MFSD11: variants seen among roughly 807,000 people sequenced by gnomAD.
The protein encoded by MFSD11 is UNC93-like protein MFSD11.
Under a neutral mutation model 53.5 loss-of-function variants are expected in MFSD11, and 36 were observed. The ratio of observed to expected loss-of-function variants is 0.67; its 90% CI spans 0.52 to 0.89. MFSD11 has a LOEUF of 0.89. Ranked by LOEUF, MFSD11 falls within the 40% of genes least tolerant of loss-of-function variation. The pLI is 0.00. For missense variants in MFSD11, 530 were observed against 543.9 expected (o/e 0.97, Z 0.25); for synonymous variants, 186 against 184.9 (o/e 1.01, Z -0.05).
At chr17:76,763,696 A>G (rs1015447561) in intron 8 of MFSD11, among the ~76,000 whole-genome samples, 3 of 152,074 alleles carry the variant, frequency 2.0e-5, no homozygotes, top group African/African-American at 7.2e-5. Context: ...TGTTTCAGCA[A>G]ACGCTCTAGG....
At chr17:76,763,466 G>T (rs2080487442) in intron 8 of MFSD11, among the ~76,000 whole-genome samples, 1 of 152,012 alleles carries the variant, frequency 6.6e-6, no homozygotes, top group African/African-American at 2.4e-5. Context: ...ATTTCACCAT[G>T]TTGGCCTGGC....
At chr17:76,795,820 ATTTTTT>A in the MFSD11 span, among the ~76,000 whole-genome samples, 1 of 140,024 alleles carries the variant, frequency 7.1e-6, no homozygotes, top group Non-Finnish European at 1.6e-5. Context: ...CGCCCGGCTA[ATTTTTT>A]TTTTTTTTTT....
At chr17:76,786,847 G>A in the MFSD11 span, among the ~76,000 whole-genome samples, 5 of 151,964 alleles carry the variant, frequency 3.3e-5, no homozygotes, top group African/African-American at 9.7e-5. Flanking sequence ...ACGGAGTCTC[G>A]CTCTGTCACC....
chr17:76,790,518 G>A, the MFSD11 span, among the ~76,000 whole-genome samples: 8 of 143,974 alleles, frequency 5.6e-5, no homozygotes, highest in Non-Finnish European at 9.0e-5. Flanking sequence ...AGGTTTTGCC[G>A]TGTTGGCCAG....
chr17:76,743,520 T>G, intron 6 of MFSD11, 64 bp downstream of exon 6: 1 of 989,114 alleles, frequency 1.0e-6, no homozygotes, highest in Non-Finnish European at 1.5e-6. Context: ...TATATAGAAA[T>G]ACCCATTATT....
intron 8 of MFSD11, 182 bp downstream of exon 8, chr17:76,754,269 G>A (rs886535164): frequency 3.6e-6 from 2 of 556,730 alleles, no homozygotes; most frequent in Non-Finnish European, 6.4e-6. Context: ...GGTTGTGAGG[G>A]ATGGATGATG....
rs140580364 is a variant in MFSD11, at chr17:76,745,964, G to C, written c.641+1498G>C. Among the ~76,000 whole-genome samples the C allele has an allele frequency of 5.0e-3, 756 of 152,140 alleles. 12 individuals carry two copies. The highest frequency in any genetic ancestry group is 0.018 in the African/African-American group (728 of 41,476). On this transcript the variant is annotated intron_variant, in intron 7 of 12. Transcript: ENST00000685175. Reference sequence around the variant, plus strand: ...TTACAGGCATGCACCACCACACCCGGCTAATGACTAATCAAGAAATGACTA... The same window carrying C: ...TTACAGGCATGCACCACCACACCCGCCTAATGACTAATCAAGAAATGACTA...
At position 76,763,186 on chromosome 17, in the gene MFSD11, A is replaced by G. The variant is rs952771595; in HGVS notation, c.683-4200A>G. Among the ~76,000 whole-genome samples the G allele has an allele frequency of 1.8e-4, 28 of 152,038 alleles. 1 individual carries two copies. The highest frequency in any genetic ancestry group is 5.6e-4 in the African/African-American group (23 of 41,408). Reference sequence around the variant, plus strand: ...CCTGTGGGGGAACTGCCAGATTGTTATACCACTTTACATTTCTACTAGCAG... The same window carrying G: ...CCTGTGGGGGAACTGCCAGATTGTTGTACCACTTTACATTTCTACTAGCAG... On this transcript the variant is annotated intron_variant, in intron 8 of 12. Coordinates refer to ENST00000685175, the MANE Select transcript of MFSD11 (RefSeq NM_001242532.5).
chr17:76,796,067 A>T, the MFSD11 span, among the ~76,000 whole-genome samples: 8 of 151,890 alleles, frequency 5.3e-5, no homozygotes, highest in African/African-American at 1.5e-4. Flanking sequence ...AGACTCTAAA[A>T]CCATGCCAGT....
chr17:76,796,127 A>C, the MFSD11 span, among the ~76,000 whole-genome samples: 1 of 152,166 alleles, frequency 6.6e-6, no homozygotes, highest in African/African-American at 2.4e-5. Context: ...TTCTTGTTTC[A>C]TGAATACATT....
intron 1 of MFSD11, among the ~76,000 whole-genome samples, 182 bp from the exon 2 acceptor site, chr17:76,738,756 C>G (rs1289614218): frequency 6.6e-6 from 1 of 152,200 alleles, no homozygotes; most frequent in African/African-American, 2.4e-5. Context: ...CTCCCCCCTC[C>G]CTGTCATTGG....
chr17:76,790,904 G>A, the MFSD11 span, among the ~76,000 whole-genome samples: 1 of 143,594 alleles, frequency 7.0e-6, no homozygotes, highest in South Asian at 2.3e-4. Flanking sequence ...TCACACCACT[G>A]CACTCCAGCC....
At chr17:76,736,927 G>T, upstream of MFSD11, 3 of 1,613,058 alleles carry the variant, frequency 1.9e-6, no homozygotes, top group Non-Finnish European at 2.5e-6. Flanking sequence ...CGTCCAGCAC[G>T]GCCCCGTCCA....
In MFSD11 at chr17:76,778,369, G is replaced by C; in HGVS notation, c.*17G>C. The C allele has an allele frequency of 1.2e-6, 2 of 1,613,578 alleles. No homozygotes were observed. Among genetic ancestry groups the C allele is most frequent in the Non-Finnish European group, 1.7e-6 (2 of 1,179,628 alleles). On this transcript the variant is annotated 3_prime_UTR_variant, in exon 13 of 13. Coordinates refer to ENST00000685175, the MANE Select transcript of MFSD11 (RefSeq NM_001242532.5). ...AGTATCTGATCTGGTGTCCGTGAGG[G>C]GACACGTATGACCTCAGAAACACAG...
rs746565404 is a variant in MFSD11, at chr17:76,744,384, T to C, written c.559T>C (p.Phe187Leu). 1 of 1,614,128 alleles carries C rather than the reference T, an allele frequency of 6.2e-7. No homozygotes were observed. The highest frequency in any genetic ancestry group is 8.5e-7 in the Non-Finnish European group (1 of 1,179,960). Residue 187 changes from phenylalanine (F) to leucine (L), a missense_variant, in exon 7 of 13, where the codon TTC (phenylalanine) becomes CTC (leucine). Transcript: ENST00000685175. ...GATTAGCCTTGTGGGGACAGTTCTA[T>C]TCTTTCTCATTCGGAAACCAGATTC... ...TVISLVGTVL[F>L]FLIRKPDSEN...
chr17:76,737,236 C>T (rs2143953733), upstream of MFSD11: 2 of 1,459,986 alleles, frequency 1.4e-6, no homozygotes, highest in South Asian at 1.4e-5. Flanking sequence ...CGCCGCGCCT[C>T]TCAGGCAGTT....
chr17:76,789,369 G>A, the MFSD11 span, among the ~76,000 whole-genome samples: 18 of 149,926 alleles, frequency 1.2e-4, 2 homozygotes, highest in Admixed American at 5.3e-4. Flanking sequence ...GGGAGGGGCC[G>A]CATGTGCAGT....
chr17:76,754,352 A>G (rs551008939), intron 8 of MFSD11: 11 of 412,626 alleles, frequency 2.7e-5, no homozygotes, highest in Non-Finnish European at 4.4e-5. Context: ...TTCTCCCTGA[A>G]GTTGAGAGTC....
At chr17:76,774,915 C>T (rs1424026812) in intron 10 of MFSD11, 82 bp from the exon 11 acceptor site, 12 of 1,392,674 alleles carry the variant, frequency 8.6e-6, no homozygotes, top group African/African-American at 1.4e-5. Context: ...ATGTTTATTC[C>T]TTGGCTCCTT....
Sources: allele counts gnomAD v4.1 joint callset (sites outside exome capture counted in the v4.1 genomes callset), GRCh38; gene constraint gnomAD v4.1.1; transcripts MANE v1.5; gene names NCBI Gene and HGNC (gene_info 2026-07-23, HGNC 2026-07-21).